The following KCNIP1 variants were observed in gnomAD, a reference collection of about 807,000 sequenced individuals.
The protein encoded by KCNIP1 is potassium voltage-gated channel interacting protein 1.
Under a neutral mutation model 33.0 loss-of-function variants are expected in KCNIP1, and 18 were observed. The observed-to-expected ratio is 0.55, with a 90% CI of 0.38 to 0.81. The LOEUF (loss-of-function observed/expected upper bound fraction) is 0.81. Ranked by LOEUF, KCNIP1 falls within the 30% of genes least tolerant of loss-of-function variation. The pLI, the probability that KCNIP1 is intolerant of heterozygous loss-of-function variation, is 0.00. For synonymous variants in KCNIP1, 93 were observed against 98.3 expected (o/e 0.95, Z 0.32); for missense variants, 238 against 271.6 (o/e 0.88, Z 0.87).
chr5:170,492,472 G>A (rs533778515), intron 1 of KCNIP1, among the ~76,000 whole-genome samples: 7 of 152,276 alleles, frequency 4.6e-5, no homozygotes, highest in Admixed American at 1.3e-4. Context: ...TTTTATGGAG[G>A]TTCAATTACA....
intron 1 of KCNIP1, among the ~76,000 whole-genome samples, chr5:170,434,811 C>T (rs965597300): frequency 3.3e-5 from 5 of 152,124 alleles, no homozygotes; most frequent in Non-Finnish European, 7.4e-5. Context: ...AAAAATCAGC[C>T]GGGCGTGGTG....
At chr5:170,373,756 T>A (rs1763912876) in intron 1 of KCNIP1, among the ~76,000 whole-genome samples, 1 of 152,224 alleles carries the variant, frequency 6.6e-6, no homozygotes, top group Admixed American at 6.5e-5. Context: ...TTACATGACC[T>A]CTGGAACATT....
chr5:170,696,003 C>G (rs1762878955), intron 1 of KCNIP1, among the ~76,000 whole-genome samples: 1 of 134,834 alleles, frequency 7.4e-6, no homozygotes, highest in Non-Finnish European at 1.6e-5. Flanking sequence ...TGGGACAGAG[C>G]AAGACTCTGT....
Position 170,732,880 on chromosome 5 carries a change from G to T in KCNIP1, c.516G>T (p.Arg172Ser). ...TYPVLKEDTP[R>S]QHVDVFFQKM... ...CTGTGCTCAAAGAGGACACTCCAAG[G>T]CAGCATGTGGACGTCTTCTTCCAGG... is the stretch of plus-strand genomic sequence containing the variant. The change falls in exon 6 of 8, where the codon AGG becomes AGT. Residue 172 changes from arginine to serine, a missense_variant. Physicochemically the swap from Arg to Ser is moderately radical, Grantham distance 110. Transcript: ENST00000328939. The T allele has an allele frequency of 1.9e-6, 3 of 1,612,688 alleles. No individual in the cohort carries two copies. The highest frequency in any genetic ancestry group is 2.5e-6 in the Non-Finnish European group (3 of 1,178,822).
At chr5:170,362,656 T>G (rs1763545315) in intron 1 of KCNIP1, among the ~76,000 whole-genome samples, 1 of 152,192 alleles carries the variant, frequency 6.6e-6, no homozygotes. Flanking sequence ...CAATTTTCAT[T>G]TATTGCTGGA....
At chr5:170,509,128 C>G (rs1295210952) in intron 1 of KCNIP1, among the ~76,000 whole-genome samples, 1 of 152,164 alleles carries the variant, frequency 6.6e-6, no homozygotes, top group South Asian at 2.1e-4. Context: ...TTTCAGTTAC[C>G]AGCCCTCTGC....
chr5:170,531,434 G>A (rs1755784933), intron 1 of KCNIP1, among the ~76,000 whole-genome samples: 1 of 152,116 alleles, frequency 6.6e-6, no homozygotes, highest in African/African-American at 2.4e-5. Flanking sequence ...TTCCAGGGAC[G>A]CTTAAGCCTC....
intron 1 of KCNIP1, among the ~76,000 whole-genome samples, chr5:170,513,094 G>A (rs1441497198): frequency 6.6e-6 from 1 of 151,654 alleles, no homozygotes; most frequent in Non-Finnish European, 1.5e-5. Context: ...TACCCAGTCA[G>A]AACCTGCATT....
At chr5:170,533,984 C>T (rs1426508803) in intron 1 of KCNIP1, among the ~76,000 whole-genome samples, 4 of 152,152 alleles carry the variant, frequency 2.6e-5, no homozygotes, top group Non-Finnish European at 5.9e-5. Context: ...CAGTTTGGCA[C>T]CAGAAGGTGC....
At chr5:170,617,271 A>C (rs551178301) in intron 1 of KCNIP1, among the ~76,000 whole-genome samples, 119 of 152,146 alleles carry the variant, frequency 7.8e-4, no homozygotes, top group African/African-American at 2.7e-3. Context: ...AGAGGAGAGA[A>C]GGCATGAAGG....
At chr5:170,354,041 G>A (rs1168550903) in intron 1 of KCNIP1, 24 of 1,331,116 alleles carry the variant, frequency 1.8e-5, no homozygotes, top group South Asian at 1.2e-4. Context: ...TGTGGTGAGC[G>A]TGACCATTCT....
At chr5:170,354,505 G>C (rs563503448) in intron 1 of KCNIP1, among the ~76,000 whole-genome samples, 101 of 152,302 alleles carry the variant, frequency 6.6e-4, no homozygotes, top group African/African-American at 2.4e-3. Context: ...CGTGCTTCTG[G>C]GGCTTCATTC....
intron 1 of KCNIP1, among the ~76,000 whole-genome samples, chr5:170,598,721 T>G (rs558111593): frequency 1.2e-3 from 176 of 152,024 alleles, no homozygotes; most frequent in Non-Finnish European, 2.1e-3. Flanking sequence ...AGAAGGGCCC[T>G]CTCGAGAACA....
intron 1 of KCNIP1, among the ~76,000 whole-genome samples, chr5:170,647,981 A>T (rs1455882966): frequency 6.6e-6 from 1 of 152,230 alleles, no homozygotes; most frequent in Non-Finnish European, 1.5e-5. Flanking sequence ...CCGAACAGAC[A>T]TTTCACCAAG....
chr5:170,528,323 C>G (rs564619277), intron 1 of KCNIP1, among the ~76,000 whole-genome samples: 167 of 152,318 alleles, frequency 1.1e-3, no homozygotes, highest in African/African-American at 3.9e-3. Flanking sequence ...ACTTCTAAAG[C>G]CTCTTAGACC....
intron 1 of KCNIP1, among the ~76,000 whole-genome samples, chr5:170,542,663 C>T (rs1756256468): frequency 6.6e-6 from 1 of 152,092 alleles, no homozygotes; most frequent in South Asian, 2.1e-4. Flanking sequence ...TATGTTTTTC[C>T]TATACTTATA....
At chr5:170,411,258 G>A (rs75369929) in intron 1 of KCNIP1, among the ~76,000 whole-genome samples, 371 of 152,322 alleles carry the variant, frequency 2.4e-3, no homozygotes, top group African/African-American at 8.6e-3. Flanking sequence ...CCGCTAGGGG[G>A]CAAATGTCAT....
intron 1 of KCNIP1, among the ~76,000 whole-genome samples, chr5:170,665,611 G>A (rs1042607983): frequency 6.6e-6 from 1 of 152,176 alleles, no homozygotes; most frequent in Non-Finnish European, 1.5e-5. Flanking sequence ...ATGGACAAAT[G>A]TTGCAATATT....
At chr5:170,582,684 A>G (rs1438326731) in intron 1 of KCNIP1, among the ~76,000 whole-genome samples, 2 of 152,102 alleles carry the variant, frequency 1.3e-5, no homozygotes, top group South Asian at 2.1e-4. Context: ...GCCAGGAGGG[A>G]AGGCCAAAAA....
Sources: allele counts gnomAD v4.1 joint callset (sites outside exome capture counted in the v4.1 genomes callset), GRCh38; gene constraint gnomAD v4.1.1; transcripts MANE v1.5; gene names NCBI Gene and HGNC (gene_info 2026-07-23, HGNC 2026-07-21).